RABGAP1L: variants seen among roughly 807,000 people sequenced by gnomAD.
RABGAP1L encodes RAB GTPase activating protein 1 like.
In RABGAP1L, 63 loss-of-function variants were observed where a neutral mutation model predicts 137.7. The observed-to-expected ratio is 0.46, with a 90% confidence interval of 0.37 to 0.56. The LOEUF (loss-of-function observed/expected upper bound fraction) is 0.56, where lower values mean the gene tolerates loss of function less well. Ranked by LOEUF, RABGAP1L falls within the 20% of genes least tolerant of loss-of-function variation. The probability of loss-of-function intolerance (pLI) is 0.00; values close to 1 mark genes in which losing one functional copy is unlikely to be tolerated. For missense variants in RABGAP1L, 1,095 were observed against 1,244.0 expected, an observed-to-expected ratio of 0.88 and a Z score of 1.80; for synonymous variants, 431 against 433.7, an observed-to-expected ratio of 0.99 and a Z score of 0.08.
chr1:174,784,768 G>A (rs901320835), intron 18 of RABGAP1L, among the ~76,000 whole-genome samples: 8 of 152,208 alleles, frequency 5.3e-5, no homozygotes, highest in African/African-American at 1.7e-4. Flanking sequence ...GGAGAGCAAC[G>A]TGGGTGTTTA....
intron 13 of RABGAP1L, among the ~76,000 whole-genome samples, chr1:174,616,365 A>C (rs1443918639): frequency 1.3e-5 from 2 of 152,252 alleles, no homozygotes; most frequent in African/African-American, 4.8e-5. Flanking sequence ...TAAACTTCAA[A>C]GCAAACATTT....
intron 19 of RABGAP1L, among the ~76,000 whole-genome samples, chr1:174,881,933 C>T (rs752781094): frequency 3.3e-5 from 5 of 152,132 alleles, no homozygotes; most frequent in Non-Finnish European, 4.4e-5. Context: ...ATGATCTCAG[C>T]TCACCGCTAT....
intron 18 of RABGAP1L, among the ~76,000 whole-genome samples, chr1:174,772,122 C>T (rs182742757): frequency 1.2e-4 from 18 of 151,746 alleles, no homozygotes; most frequent in Non-Finnish European, 2.2e-4. Context: ...TGCTTGAAGC[C>T]GGGAGGCAGA....
intron 11 of RABGAP1L, among the ~76,000 whole-genome samples, chr1:174,340,133 A>G (rs1219895636): frequency 6.6e-6 from 1 of 152,202 alleles, no homozygotes; most frequent in Non-Finnish European, 1.5e-5. Flanking sequence ...CTTTGTAGAT[A>G]TACTATTTAC....
At chr1:174,543,829 G>T (rs1172470920) in intron 13 of RABGAP1L, among the ~76,000 whole-genome samples, 4 of 152,120 alleles carry the variant, frequency 2.6e-5, no homozygotes, top group African/African-American at 4.8e-5. Context: ...GTCTGTAAAG[G>T]ATTTTATTTC....
chr1:174,345,229 C>A (rs189010316), intron 11 of RABGAP1L, among the ~76,000 whole-genome samples: 13 of 152,164 alleles, frequency 8.5e-5, no homozygotes, highest in Admixed American at 8.5e-4. Flanking sequence ...TGTGATTCTT[C>A]CAGTTTTGTT....
intron 13 of RABGAP1L, among the ~76,000 whole-genome samples, chr1:174,466,202 A>G (rs992139756): frequency 2.0e-5 from 3 of 152,164 alleles, no homozygotes; most frequent in African/African-American, 7.2e-5. Context: ...GTTATTCCTT[A>G]CTTACTCAGC....
intron 13 of RABGAP1L, among the ~76,000 whole-genome samples, chr1:174,437,480 C>T (rs12354281): frequency 0.12 from 18,611 of 150,576 alleles, 3,837 homozygotes; most frequent in African/African-American, 0.42. Context: ...CGATGGAAGA[C>T]GAAATGAATA....
chr1:174,512,756 G>A lies in RABGAP1L; in HGVS notation c.1710+118611G>A, dbSNP rs78530366. ...ATGCCTCACTGGGTGCACTGGGGGAGGCCTCTATGACAAGCATGTTAAATG... is the reference window on the plus strand; with the variant it reads ...ATGCCTCACTGGGTGCACTGGGGGAAGCCTCTATGACAAGCATGTTAAATG... On this transcript the variant is annotated intron_variant, in intron 13 of 25. Coordinates refer to ENST00000681986, the MANE Select transcript of RABGAP1L (RefSeq NM_001366446.1). Among the ~76,000 whole-genome samples the A allele has an allele frequency of 1.5e-4, 23 of 152,180 alleles. No homozygotes were observed. The East Asian group carries it at 4.3e-3, about 28-fold the overall frequency.
At chr1:174,950,158 A>T (rs973382534) in intron 19 of RABGAP1L, among the ~76,000 whole-genome samples, 23 of 152,234 alleles carry the variant, frequency 1.5e-4, no homozygotes, top group Non-Finnish European at 3.1e-4. Context: ...TGAATTCAGG[A>T]GGAGAATGCC....
intron 19 of RABGAP1L, among the ~76,000 whole-genome samples, chr1:174,815,845 A>G (rs1466252277): frequency 6.6e-6 from 1 of 152,228 alleles, no homozygotes; most frequent in Non-Finnish European, 1.5e-5. Context: ...CTAGGCCAAA[A>G]TCAGAAAACA....
intron 13 of RABGAP1L, among the ~76,000 whole-genome samples, chr1:174,475,011 T>G (rs887477385): frequency 1.3e-5 from 2 of 152,062 alleles, no homozygotes; most frequent in Non-Finnish European, 2.9e-5. Context: ...TTAAATGTAA[T>G]GTATGTTACA....
intron 14 of RABGAP1L, among the ~76,000 whole-genome samples, chr1:174,662,464 T>A (rs1444263721): frequency 1.3e-5 from 2 of 152,086 alleles, no homozygotes; most frequent in African/African-American, 4.8e-5. Context: ...TCGCCCAGGC[T>A]GGAGTGCAGT....
chr1:174,398,756 G>A (rs1440653688), intron 13 of RABGAP1L, among the ~76,000 whole-genome samples: 2 of 152,022 alleles, frequency 1.3e-5, no homozygotes, highest in African/African-American at 4.8e-5. Context: ...CGAAAATCTA[G>A]GCTTTTTGTA....
At chr1:174,350,984 G>T (rs1322146798) in intron 11 of RABGAP1L, among the ~76,000 whole-genome samples, 1 of 127,220 alleles carries the variant, frequency 7.9e-6, no homozygotes, top group Non-Finnish European at 1.7e-5. Context: ...GCAGACTGAG[G>T]CAGGAGAATC....
chr1:174,816,987 C>T (rs1690497586), intron 19 of RABGAP1L, among the ~76,000 whole-genome samples: 1 of 152,196 alleles, frequency 6.6e-6, no homozygotes, highest in Admixed American at 6.5e-5. Context: ...CCTTGGCTTC[C>T]CAAAGTACTG....
At chr1:174,601,518 G>A (rs1414062522) in intron 13 of RABGAP1L, among the ~76,000 whole-genome samples, 2 of 152,092 alleles carry the variant, frequency 1.3e-5, no homozygotes, top group Non-Finnish European at 2.9e-5. Flanking sequence ...CAGGGGGAGG[G>A]ATAGCATTAG....
chr1:174,667,017 A>G (rs1676836808), intron 14 of RABGAP1L, among the ~76,000 whole-genome samples: 1 of 151,078 alleles, frequency 6.6e-6, no homozygotes, highest in African/African-American at 2.4e-5. Flanking sequence ...AGTATTTTCC[A>G]TATTTATTTT....
rs376043929 is a variant in RABGAP1L, at chr1:174,755,366, G to A, written c.2211+3012G>A. Among the ~76,000 whole-genome samples the A allele has an allele frequency of 1.4e-4, 21 of 152,310 alleles. No homozygotes were observed. In the South Asian group the frequency reaches 3.9e-3, roughly 29 times the overall value. ...ATTTACTTATATGAAACATTAGGTAGTCATAGAATACATTCAATAGATTTA... is the reference window on the plus strand; with the variant it reads ...ATTTACTTATATGAAACATTAGGTAATCATAGAATACATTCAATAGATTTA... On this transcript the variant is annotated intron_variant, in intron 18 of 25. Transcript: ENST00000681986.
Sources: allele counts gnomAD v4.1 joint callset (sites outside exome capture counted in the v4.1 genomes callset), GRCh38; gene constraint gnomAD v4.1.1; transcripts MANE v1.5; gene names NCBI Gene and HGNC (gene_info 2026-07-23, HGNC 2026-07-21).